SLC24A3: variants seen among roughly 807,000 people sequenced by gnomAD.
SLC24A3 encodes the protein sodium/potassium/calcium exchanger 3.
SLC24A3 carries 28 observed loss-of-function variants against 75.8 expected under a neutral mutation model. The ratio of observed to expected loss-of-function variants is 0.37; its 90% CI spans 0.27 to 0.51. SLC24A3 has a LOEUF of 0.51. Ranked by LOEUF, SLC24A3 falls within the 20% of genes least tolerant of loss-of-function variation. The pLI, the probability that SLC24A3 is intolerant of heterozygous loss-of-function variation, is 0.94. For synonymous variants in SLC24A3, 372 were observed against 334.1 expected, an observed-to-expected ratio of 1.11 and a Z score of -1.24; for missense variants, 663 against 847.8, an observed-to-expected ratio of 0.78 and a Z score of 2.71.
intron 2 of SLC24A3, among the ~76,000 whole-genome samples, chr20:19,500,849 A>G (rs954322155): frequency 2.0e-5 from 3 of 152,224 alleles, no homozygotes; most frequent in Admixed American, 6.5e-5. Flanking sequence ...ATCTTTGATC[A>G]GCCTTTGACT....
chr20:19,479,607 T>A (rs908454003), intron 2 of SLC24A3, among the ~76,000 whole-genome samples: 2 of 152,168 alleles, frequency 1.3e-5, no homozygotes, highest in Admixed American at 6.5e-5. Context: ...AGGAATAAGA[T>A]TAGCTGTGTG....
In SLC24A3 at chr20:19,574,117, C is replaced by T. The variant is rs1350470977; in HGVS notation, c.349-5883C>T. 2.6e-5 allele frequency among the ~76,000 whole-genome samples: 4 copies of T among 152,332 alleles called. No homozygotes were observed. In the East Asian group the frequency reaches 7.7e-4, roughly 29 times the overall value. On this transcript the variant is annotated intron_variant, in intron 3 of 16. Coordinates refer to ENST00000328041, the MANE Select transcript of SLC24A3 (RefSeq NM_020689.4). ...TTGTTGAATTAATAAATAAATAACT[C>T]TTCAAATCCTAAGGCAGGCGTGTCT...
intron 2 of SLC24A3, among the ~76,000 whole-genome samples, chr20:19,314,985 T>C (rs1400482342): frequency 6.6e-6 from 1 of 152,214 alleles, no homozygotes; most frequent in Non-Finnish European, 1.5e-5. Flanking sequence ...AGGCCACACA[T>C]AAAAGTGCTG....
intron 6 of SLC24A3, among the ~76,000 whole-genome samples, chr20:19,590,817 C>T (rs1160924433): frequency 1.3e-5 from 2 of 152,224 alleles, no homozygotes. Context: ...AGCCCAAGGC[C>T]AACTGAATCA....
intron 1 of SLC24A3, among the ~76,000 whole-genome samples, chr20:19,265,473 C>A (rs939144605): frequency 3.9e-5 from 6 of 152,128 alleles, no homozygotes; most frequent in Admixed American, 2.6e-4. Flanking sequence ...TGGGGAAGAG[C>A]GTTACTGGGG....
intron 2 of SLC24A3, among the ~76,000 whole-genome samples, chr20:19,374,452 C>T (rs1986045800): frequency 6.6e-6 from 1 of 152,242 alleles, no homozygotes; most frequent in African/African-American, 2.4e-5. Flanking sequence ...TTGAATGAGC[C>T]TCCCCTTTGC....
At chr20:19,663,777 T>G (rs1162334070) in intron 7 of SLC24A3, among the ~76,000 whole-genome samples, 1 of 152,134 alleles carries the variant, frequency 6.6e-6, no homozygotes, top group Non-Finnish European at 1.5e-5. Flanking sequence ...ACTGTTTCTC[T>G]GATTATTGTG....
intron 15 of SLC24A3, among the ~76,000 whole-genome samples, chr20:19,708,310 T>A (rs551456172): frequency 2.0e-5 from 3 of 152,162 alleles, no homozygotes; most frequent in Non-Finnish European, 2.9e-5. Context: ...AGAAACTGTA[T>A]CTTACTCAAC....
intron 7 of SLC24A3, 79 bp from the exon 8 acceptor site, chr20:19,665,785 C>A (rs6081705): frequency 2.1e-6 from 3 of 1,431,952 alleles, no homozygotes; most frequent in East Asian, 5.0e-5. Flanking sequence ...TGCGTGCAGC[C>A]TTAAAGCGTG....
At chr20:19,676,396 T>C (rs2032525204) in intron 9 of SLC24A3, among the ~76,000 whole-genome samples, 2 of 152,314 alleles carry the variant, frequency 1.3e-5, no homozygotes, top group East Asian at 1.9e-4. Context: ...AAACTGGGAA[T>C]GGAAGCTACT....
chr20:19,358,693 T>C (rs1233165114), intron 2 of SLC24A3, among the ~76,000 whole-genome samples: 1 of 152,226 alleles, frequency 6.6e-6, no homozygotes, highest in Non-Finnish European at 1.5e-5. Flanking sequence ...TAGTATTTAG[T>C]ACATTCACGT....
intron 6 of SLC24A3, among the ~76,000 whole-genome samples, chr20:19,620,191 C>T (rs1824582265): frequency 6.6e-6 from 1 of 152,158 alleles, no homozygotes; most frequent in South Asian, 2.1e-4. Flanking sequence ...GACACCTTTA[C>T]TAGTTAGGCA....
At chr20:19,660,029 G>T (rs2032308631) in intron 7 of SLC24A3, among the ~76,000 whole-genome samples, 1 of 152,134 alleles carries the variant, frequency 6.6e-6, no homozygotes, top group Non-Finnish European at 1.5e-5. Flanking sequence ...CCGGCAGCTG[G>T]CTGACCTCCA....
chr20:19,418,336 G>C (rs1215817773), intron 2 of SLC24A3, among the ~76,000 whole-genome samples: 2 of 151,978 alleles, frequency 1.3e-5, no homozygotes, highest in East Asian at 1.9e-4. Flanking sequence ...GAACACAATA[G>C]AGCTCTTGGA....
intron 2 of SLC24A3, among the ~76,000 whole-genome samples, chr20:19,352,994 A>G (rs1985604119): frequency 6.6e-6 from 1 of 152,224 alleles, no homozygotes; most frequent in Non-Finnish European, 1.5e-5. Context: ...ACACTTAGAT[A>G]CACAAAATAC....
At chr20:19,622,921 G>A (rs2031822335) in intron 6 of SLC24A3, among the ~76,000 whole-genome samples, 1 of 152,050 alleles carries the variant, frequency 6.6e-6, no homozygotes, top group Non-Finnish European at 1.5e-5. Flanking sequence ...GAGAAGGAAG[G>A]AAGATGCCAG....
chr20:19,687,235 T>G (rs531318558), intron 12 of SLC24A3, among the ~76,000 whole-genome samples: 66 of 152,324 alleles, frequency 4.3e-4, no homozygotes, highest in Admixed American at 3.7e-3. Flanking sequence ...GGCTGTCAGC[T>G]GGGGATGTCC....
chr20:19,231,069 G>A (rs1466248242), intron 1 of SLC24A3, among the ~76,000 whole-genome samples: 1 of 152,156 alleles, frequency 6.6e-6, no homozygotes, highest in Non-Finnish European at 1.5e-5. Context: ...GCAGAACCAT[G>A]GATTAGGTAT....
At chr20:19,674,636 C>G (rs768850609) in intron 9 of SLC24A3, among the ~76,000 whole-genome samples, 2 of 152,224 alleles carry the variant, frequency 1.3e-5, no homozygotes, top group Non-Finnish European at 2.9e-5. Flanking sequence ...TAAGTCCAGT[C>G]CACACTCAAG....
Sources: gnomAD v4.1 joint callset for allele counts (sites outside exome capture counted in the v4.1 genomes callset) on GRCh38, gnomAD v4.1.1 for gene constraint, MANE v1.5 for transcripts, NCBI Gene and HGNC (gene_info 2026-07-23, HGNC 2026-07-21) for gene names.